KCNB2: variants seen among roughly 807,000 people sequenced by gnomAD.
KCNB2 encodes the protein potassium voltage-gated channel subfamily B member 2, also known as delayed rectifier potassium channel protein.
Under a neutral mutation model 61.5 loss-of-function variants are expected in KCNB2, and 15 were observed. The ratio of observed to expected loss-of-function variants is 0.24; its 90% CI spans 0.16 to 0.38. The LOEUF (loss-of-function observed/expected upper bound fraction) is 0.38. Among genes scored for constraint, KCNB2 ranks in the 10% least tolerant of loss-of-function variants. KCNB2 has a pLI of 1.00. For missense variants in KCNB2, 828 were observed against 1,125.2 expected, an observed-to-expected ratio of 0.74 and a Z score of 3.78; for synonymous variants, 457 against 446.0, an observed-to-expected ratio of 1.02 and a Z score of -0.31.
chr8:72,826,187 A>G (rs1459224431), intron 2 of KCNB2, among the ~76,000 whole-genome samples: 3 of 152,202 alleles, frequency 2.0e-5, no homozygotes, highest in South Asian at 2.1e-4. Flanking sequence ...TTTGGTATCC[A>G]TTACGTATCA....
chr8:72,786,412 A>C (rs890869017), intron 2 of KCNB2, among the ~76,000 whole-genome samples: 3 of 152,106 alleles, frequency 2.0e-5, no homozygotes, highest in African/African-American at 7.2e-5. Context: ...AATCTACCCA[A>C]TGCTTTATTC....
chr8:72,897,134 C>G (rs1806002490), intron 2 of KCNB2, among the ~76,000 whole-genome samples: 1 of 152,024 alleles, frequency 6.6e-6, no homozygotes, highest in Non-Finnish European at 1.5e-5. Flanking sequence ...GTGCATGCCC[C>G]TATAGTGTGA....
chr8:72,650,196 T>C (rs1283368517), intron 2 of KCNB2, among the ~76,000 whole-genome samples: 1 of 152,168 alleles, frequency 6.6e-6, no homozygotes, highest in Non-Finnish European at 1.5e-5. Flanking sequence ...AGACCTTGCC[T>C]AGAAGTTTCT....
chr8:72,577,331 T>TAGAG (rs747805527), intron 2 of KCNB2, among the ~76,000 whole-genome samples: 1 of 151,242 alleles, frequency 6.6e-6, no homozygotes, highest in African/African-American at 2.4e-5. Context: ...GAGAAAGAGA[T>TAGAG]AGAGAGAGAG....
chr8:72,841,289 T>A (rs1809878804), intron 2 of KCNB2, among the ~76,000 whole-genome samples: 1 of 149,816 alleles, frequency 6.7e-6, no homozygotes, highest in Non-Finnish European at 1.5e-5. Context: ...AGTACCATGC[T>A]CTTTTGGTTA....
chr8:72,725,587 G>A (rs778828842), intron 2 of KCNB2, among the ~76,000 whole-genome samples: 2,954 of 24,044 alleles, frequency 0.12, 72 homozygotes, highest in Non-Finnish European at 0.14. Flanking sequence ...ATATATATAT[G>A]TATGTATATA....
chr8:72,570,563 A>G (rs546425119), intron 2 of KCNB2, among the ~76,000 whole-genome samples: 132 of 151,930 alleles, frequency 8.7e-4, no homozygotes, highest in African/African-American at 2.6e-3. Context: ...CACGAGTCCT[A>G]TAACTTGTTT....
intron 2 of KCNB2, among the ~76,000 whole-genome samples, chr8:72,907,958 G>A (rs537683201): frequency 6.6e-6 from 1 of 152,266 alleles, no homozygotes; most frequent in East Asian, 1.9e-4. Context: ...TACAAGAACT[G>A]TCATCCTCCA....
At chr8:72,871,701 C>A (rs115400226) in intron 2 of KCNB2, among the ~76,000 whole-genome samples, 6 of 152,278 alleles carry the variant, frequency 3.9e-5, no homozygotes, top group African/African-American at 1.4e-4. Flanking sequence ...TCCAAACTCT[C>A]CCTTGTTCTC....
At chr8:72,918,114 C>T (rs1444694994) in intron 2 of KCNB2, among the ~76,000 whole-genome samples, 3 of 152,182 alleles carry the variant, frequency 2.0e-5, no homozygotes, top group Non-Finnish European at 4.4e-5. Flanking sequence ...TAGTTCCTTT[C>T]AGCCTATTTC....
chr8:72,836,184 G>A (rs909370842), intron 2 of KCNB2, among the ~76,000 whole-genome samples: 16 of 152,124 alleles, frequency 1.1e-4, no homozygotes, highest in Admixed American at 3.3e-4. Context: ...TCAGTAAAAG[G>A]TTCACTGCAG....
In KCNB2 at chr8:72,858,319, G is replaced by T. The variant is rs112911868; in HGVS notation, c.580-77616G>T. Among the ~76,000 whole-genome samples the T allele has an allele frequency of 3.7e-3, 558 of 152,018 alleles. 9 individuals are homozygous for T. Among genetic ancestry groups the T allele is most frequent in the African/African-American group, 0.01 (431 of 41,442 alleles). On this transcript the variant is annotated intron_variant, in intron 2 of 2. Transcript: ENST00000523207. Reference sequence around the variant, plus strand: ...GCTTTGGTCCAATAATATTTTATGAGATTTACATAATTTCAAGATATGTCT... The same window carrying T: ...GCTTTGGTCCAATAATATTTTATGATATTTACATAATTTCAAGATATGTCT...
At chr8:72,909,888 T>C (rs1204011253) in intron 2 of KCNB2, among the ~76,000 whole-genome samples, 1 of 152,032 alleles carries the variant, frequency 6.6e-6, no homozygotes, top group Non-Finnish European at 1.5e-5. Flanking sequence ...GGAAAGATGG[T>C]GAATTCTATT....
chr8:72,671,048 T>C (rs1806556179), intron 2 of KCNB2, among the ~76,000 whole-genome samples: 1 of 152,186 alleles, frequency 6.6e-6, no homozygotes, highest in South Asian at 2.1e-4. Flanking sequence ...AGTTACGGAA[T>C]TTCAGAGCTG....
chr8:72,667,155 G>C (rs1316432915), intron 2 of KCNB2, among the ~76,000 whole-genome samples: 1 of 152,196 alleles, frequency 6.6e-6, no homozygotes, highest in African/African-American at 2.4e-5. Flanking sequence ...GCACCTGGCA[G>C]AGTCTTTGTG....
chr8:72,887,934 T>A (rs1052187958), intron 2 of KCNB2, among the ~76,000 whole-genome samples: 1 of 152,164 alleles, frequency 6.6e-6, no homozygotes, highest in Non-Finnish European at 1.5e-5. Flanking sequence ...CCCCAAAGGG[T>A]GTTACTTGGA....
chr8:72,773,176 G>A lies in KCNB2; in HGVS notation c.580-162759G>A, dbSNP rs570103080. ...GTCATGTTCTAGACAGCACTGCTTA[G>A]CATCTGTCGTGTGAATTATTTGATA... On this transcript the variant is annotated intron_variant, in intron 2 of 2. Coordinates refer to ENST00000523207, the MANE Select transcript of KCNB2 (RefSeq NM_004770.3). Among the ~76,000 whole-genome samples the A allele has an allele frequency of 3.1e-4, 47 of 152,262 alleles. 2 individuals carry two copies. In the South Asian group the frequency reaches 7.3e-3, roughly 24 times the overall value.
chr8:72,753,379 G>A (rs1335328079), intron 2 of KCNB2, among the ~76,000 whole-genome samples: 2 of 152,108 alleles, frequency 1.3e-5, no homozygotes, highest in African/African-American at 2.4e-5. Context: ...TTTTTATTTA[G>A]CAACTCTTAT....
intron 1 of KCNB2, among the ~76,000 whole-genome samples, chr8:72,562,683 C>T (rs528689820): frequency 2.1e-4 from 32 of 152,172 alleles, no homozygotes; most frequent in Non-Finnish European, 4.0e-4. Context: ...AAATTATTCA[C>T]AGTTGCATAA....
Sources: allele counts gnomAD v4.1 joint callset (sites outside exome capture counted in the v4.1 genomes callset), GRCh38; gene constraint gnomAD v4.1.1; transcripts MANE v1.5; gene names NCBI Gene and HGNC (gene_info 2026-07-23, HGNC 2026-07-21).